CCDC154: variants seen among roughly 807,000 people sequenced by gnomAD.
CCDC154 encodes the protein coiled-coil domain containing 154, also known as coiled-coil domain-containing protein 154.
In CCDC154, 91 loss-of-function variants were observed where a neutral mutation model predicts 87.5. The ratio of observed to expected loss-of-function variants is 1.04; its 90% CI spans 0.88 to 1.24. The LOEUF (loss-of-function observed/expected upper bound fraction) is 1.24, where lower values mean the gene tolerates loss of function less well. Among genes scored for constraint, CCDC154 ranks in the 50% most tolerant of loss-of-function variants. The pLI is 0.00. For missense variants in CCDC154, 903 were observed against 879.2 expected, an observed-to-expected ratio of 1.03 and a Z score of -0.34; for synonymous variants, 418 against 400.4, an observed-to-expected ratio of 1.04 and a Z score of -0.52.
intron 13 of CCDC154, 28 bp from the exon 14 acceptor site, chr16:1,436,114 T>C: frequency 6.5e-7 from 1 of 1,536,818 alleles, no homozygotes; most frequent in Non-Finnish European, 8.8e-7. Flanking sequence ...CGAGGCTGGC[T>C]GTCGGGTGTG....
At chr16:1,443,218 C>G (rs924261879) in intron 4 of CCDC154, 43 bp downstream of exon 4, 1 of 1,543,320 alleles carries the variant, frequency 6.5e-7, no homozygotes, top group Non-Finnish European at 8.7e-7. Flanking sequence ...CTCGCCACCA[C>G]CTCCCCGCCC....
chr16:1,439,266 C>T lies in CCDC154; in HGVS notation c.676-140G>A, dbSNP rs2038530198. ...CCCGGCTGAGCTGGGCCTGCCACAC[C>T]CTCAGCCGGAAGAAAGCCACGGCGG... On this transcript the variant is annotated intron_variant, in intron 6 of 16. Coordinates refer to ENST00000389176, the MANE Select transcript of CCDC154 (RefSeq NM_001143980.3). 1.7e-5 allele frequency: 12 copies of T among 725,672 alleles called. No homozygotes were observed. The South Asian group carries it at 2.0e-4, about 12-fold the overall frequency. The allele number at this position is 725,672 out of a possible 1,614,324, so 45.0% of individuals were successfully genotyped here. A position where few individuals can be genotyped will look rare whatever the true frequency, so the allele number is the denominator to read the frequency against.
rs577601306 is a variant in CCDC154 at position 1,443,272 on chromosome 16, G to T, written c.444C>A (p.Ala148=). The T allele has an allele frequency of 6.5e-7, 1 of 1,549,266 alleles. No homozygotes were observed. Among genetic ancestry groups the T allele is most frequent in the East Asian group, 2.4e-5 (1 of 40,912 alleles). Residue 148 remains alanine, a synonymous_variant, in exon 4 of 17, where the codon GCC becomes GCA. Transcript: ENST00000389176. Reference sequence around the variant, plus strand: ...TGTGTGGGGGGTACCTTTTGTCCAGGGCCTGCATCTGGTTCTGGAGACCAG... The same window carrying T: ...TGTGTGGGGGGTACCTTTTGTCCAGTGCCTGCATCTGGTTCTGGAGACCAG... ...EFSGLQNQMQ[A]LDKRLVEVRE...
In CCDC154 at chr16:1,438,194, A is replaced by T; in HGVS notation, c.1026-18T>A. 1 of 1,515,834 alleles carries T rather than the reference A, an allele frequency of 6.6e-7. No individual in the cohort carries two copies. 93.9% of individuals were successfully genotyped at this position (1,515,834 alleles called of 1,614,324 possible). A position where few individuals can be genotyped will look rare whatever the true frequency, so the allele number is the denominator to read the frequency against. On this transcript the variant is annotated intron_variant, in intron 9 of 16. Coordinates refer to ENST00000389176, the MANE Select transcript of CCDC154 (RefSeq NM_001143980.3). ...TGGCGTCCCTAGGGGTTGGGGACAC[A>T]TAGACACCCTCAGTGGAGCCTGCCC...
In CCDC154 at chr16:1,434,848, G is replaced by T. The variant is rs547491543; in HGVS notation, c.1697C>A (p.Thr566Lys). Reference sequence around the variant, plus strand: ...CTCCCACAGGGTGGCCATCTCCTGCGTGCGCTGTGGGACGGGGATGCTGGT... The same window carrying T: ...CTCCCACAGGGTGGCCATCTCCTGCTTGCGCTGTGGGACGGGGATGCTGGT... ...LRFNTEARLRTQEMATLWESV... is the reference protein window; with the variant it reads ...LRFNTEARLRKQEMATLWESV... Residue 566 changes from threonine (T) to lysine (K), a missense_variant, in exon 16 of 17, where the codon ACG (threonine) becomes AAG (lysine). Thr to Lys is a moderately conservative substitution (Grantham distance 78, BLOSUM62 -1). Coordinates refer to ENST00000389176, the MANE Select transcript of CCDC154 (RefSeq NM_001143980.3). 6.7e-6 allele frequency: 10 copies of T among 1,503,026 alleles called. No homozygotes were observed. The highest frequency in any genetic ancestry group is 8.0e-6 in the Non-Finnish European group (9 of 1,127,436). The allele number at this position is 1,503,026 out of a possible 1,614,324, so 93.1% of individuals were successfully genotyped here.
chr16:1,442,559 C>G, intron 5 of CCDC154, 30 bp from the exon 6 acceptor site: 1 of 1,502,824 alleles, frequency 6.7e-7, no homozygotes, highest in African/African-American at 1.4e-5. Flanking sequence ...TCACACCAGC[C>G]CAGCTGGCCG....
chr16:1,443,749 C>CGGCGGCGACGT, intron 2 of CCDC154, 47 bp downstream of exon 2: 1 of 1,303,198 alleles, frequency 7.7e-7, no homozygotes, highest in Non-Finnish European at 1.0e-6. Flanking sequence ...GAGGCGGAGG[C>CGGCGGCGACGT]GGCGGCGACG....
chr16:1,438,946 G>T lies in CCDC154; in HGVS notation c.778-3C>A, dbSNP rs1283156433. Reference sequence around the variant, plus strand: ...GAGCTCTCCGAGGCCTTCATTCTCTGTGGGGAGACCCCACTGTCAGCTGCA... The same window carrying T: ...GAGCTCTCCGAGGCCTTCATTCTCTTTGGGGAGACCCCACTGTCAGCTGCA... On this transcript the variant is annotated splice_polypyrimidine_tract_variant and splice_region_variant and intron_variant, in intron 7 of 16. Transcript: ENST00000389176. 1.3e-6 allele frequency: 2 copies of T among 1,549,144 alleles called. No individual in the cohort carries two copies. The highest frequency in any genetic ancestry group is 2.0e-5 in the Admixed American group (1 of 50,936).
chr16:1,436,664 C>T (rs899008985), intron 12 of CCDC154, 28 bp downstream of exon 12: 4 of 1,549,208 alleles, frequency 2.6e-6, no homozygotes, highest in Non-Finnish European at 1.7e-6. Flanking sequence ...GGCCCAAGTA[C>T]ACCAAGGCTG....
intron 9 of CCDC154, chr16:1,438,406 C>A (rs1224949504): frequency 6.8e-6 from 5 of 730,228 alleles, no homozygotes; most frequent in Non-Finnish European, 1.1e-5. Flanking sequence ...ATGGCCACAG[C>A]TGAGTGCCCC....
At chr16:1,437,102 G>C in intron 11 of CCDC154, 1 of 447,444 alleles carries the variant, frequency 2.2e-6, no homozygotes, top group Non-Finnish European at 4.1e-6. Context: ...CGAAACGCAG[G>C]GTGTCGCCCA....
rs573572757 is a variant in CCDC154 at position 1,439,815 on chromosome 16, C to A, written c.676-689G>T. Among the ~76,000 whole-genome samples, 13 of 152,238 alleles carry A rather than the reference C, an allele frequency of 8.5e-5. No individual in the cohort carries two copies. In the South Asian group the frequency reaches 2.7e-3, roughly 32 times the overall value. The stretch of plus-strand genomic sequence containing the variant: ...TGGCGGTTACAGCCCCCACAGTAGA[C>A]ATTGACAACATGTAAAAAATGTTCC... On this transcript the variant is annotated intron_variant, in intron 6 of 16. Transcript: ENST00000389176.
At chr16:1,437,114 G>A (rs1013654480) in intron 11 of CCDC154, 5 of 416,522 alleles carry the variant, frequency 1.2e-5, no homozygotes, top group East Asian at 4.3e-5. Context: ...TGTCGCCCAC[G>A]TTTGCAGCCG....
intron 1 of CCDC154, 144 bp downstream of exon 1, chr16:1,444,172 G>A: frequency 9.4e-7 from 1 of 1,065,746 alleles, no homozygotes; most frequent in South Asian, 1.5e-5. Context: ...GCTCAGACAA[G>A]TCCAGGGCCC....
chr16:1,440,476 G>GAGAAA (rs1567258614), intron 6 of CCDC154, among the ~76,000 whole-genome samples: 2 of 150,102 alleles, frequency 1.3e-5, no homozygotes, highest in African/African-American at 2.5e-5. Context: ...GGGAAGAGAA[G>GAGAAA]AGAAGAGAAG....
rs974981740 is a variant in CCDC154, at chr16:1,436,503, T to C, written c.1429A>G (p.Lys477Glu). 4 of 1,549,094 alleles carry C rather than the reference T, an allele frequency of 2.6e-6. No individual in the cohort carries two copies. In the Admixed American group the frequency reaches 7.8e-5, roughly 30 times the overall value. The change falls in exon 13 of 17, where the codon AAG becomes GAG. Residue 477 changes from lysine to glutamate, a missense_variant. Physicochemically the swap from Lys to Glu is moderately conservative, Grantham distance 56. Coordinates refer to ENST00000389176, the MANE Select transcript of CCDC154 (RefSeq NM_001143980.3). Reference sequence around the variant, plus strand: ...GAGTCGCTCTTATGAAGCAGGCACTTGTCGGAGACACTCTCTATCTGAACA... The same window carrying C: ...GAGTCGCTCTTATGAAGCAGGCACTCGTCGGAGACACTCTCTATCTGAACA... ...LPQQIESVSD[K>E]CLLHKSDSDL...
chr16:1,441,223 C>T (rs74002246), intron 6 of CCDC154, among the ~76,000 whole-genome samples: 1,672 of 152,348 alleles, frequency 0.011, 37 homozygotes, highest in African/African-American at 0.038. Context: ...GCGGCAGCTC[C>T]CCCACACCTG....
Position 1,442,456 on chromosome 16 carries a change from T to A in CCDC154, c.625A>T (p.Asn209Tyr). 5 of 1,550,188 alleles carry A rather than the reference T, an allele frequency of 3.2e-6. No individual in the cohort carries two copies. The highest frequency in any genetic ancestry group is 4.4e-6 in the Non-Finnish European group (5 of 1,146,814). ...ACCCTCCGGCTGCTGTCCTCTTGGT[T>A]CTTCTGCAGGGCGCCGCAGGCCACC... ...REVACGALQK[N>Y]QEDSSRRVDL... The change falls in exon 6 of 17, where the codon AAC becomes TAC. Residue 209 changes from asparagine (N) to tyrosine (Y), a missense_variant. Asn to Tyr is a moderately radical substitution (Grantham distance 143). Transcript: ENST00000389176.
chr16:1,438,961 T>C lies in CCDC154; in HGVS notation c.778-18A>G, dbSNP rs1208737470. The C allele has an allele frequency of 6.5e-7, 1 of 1,548,760 alleles. No homozygotes were observed. The highest frequency in any genetic ancestry group is 8.7e-7 in the Non-Finnish European group (1 of 1,145,962). On this transcript the variant is annotated intron_variant, in intron 7 of 16. Transcript: ENST00000389176. The stretch of plus-strand genomic sequence containing the variant: ...TTCATTCTCTGTGGGGAGACCCCAC[T>C]GTCAGCTGCAGGTCTGCGTCTGGGA...
Sources: allele counts gnomAD v4.1 joint callset (sites outside exome capture counted in the v4.1 genomes callset), GRCh38; gene constraint gnomAD v4.1.1; transcripts MANE v1.5; gene names NCBI Gene and HGNC (gene_info 2026-07-23, HGNC 2026-07-21).